Variants in FAM120B observed in about 807,000 individuals in gnomAD.
FAM120B encodes the protein family with sequence similarity 120 member B, also known as constitutive coactivator of peroxisome proliferator-activated receptor gamma.
A neutral mutation model predicts 96.3 loss-of-function variants in FAM120B; 83 were observed. The observed-to-expected ratio is 0.86, with a 90% confidence interval of 0.72 to 1.03. FAM120B has a LOEUF of 1.03. Among genes scored for constraint, FAM120B ranks in the 50% least tolerant of loss-of-function variants. The pLI is 0.00. For missense variants in FAM120B, 1,027 were observed against 1,121.2 expected, an observed-to-expected ratio of 0.92 and a Z score of 1.20; for synonymous variants, 407 against 402.7, an observed-to-expected ratio of 1.01 and a Z score of -0.13.
intron 5 of FAM120B, among the ~76,000 whole-genome samples, chr6:170,351,900 A>C (rs1365548855): frequency 6.6e-6 from 1 of 152,224 alleles, no homozygotes; most frequent in African/African-American, 2.4e-5. Flanking sequence ...AAAATAACCA[A>C]CTAGCATCAT....
At chr6:170,323,988 A>C (rs1035790517) in intron 3 of FAM120B, among the ~76,000 whole-genome samples, 31 of 152,212 alleles carry the variant, frequency 2.0e-4, no homozygotes, top group African/African-American at 7.2e-4. Context: ...CAGAGACCTT[A>C]GGTACTTTAT....
upstream of FAM120B, among the ~76,000 whole-genome samples, chr6:170,301,946 C>G (rs1473221292): frequency 6.6e-6 from 1 of 152,184 alleles, no homozygotes; most frequent in Non-Finnish European, 1.5e-5. Flanking sequence ...CCACATTTTC[C>G]TATCTTCTAC....
At position 170,395,243 on chromosome 6, in the gene FAM120B, G is replaced by A. The variant is rs969438258; in HGVS notation, c.2600-244G>A. Among the ~76,000 whole-genome samples, 9 of 152,208 alleles carry A rather than the reference G, an allele frequency of 5.9e-5. No individual in the cohort carries two copies. In the South Asian group the frequency reaches 1.2e-3, roughly 21 times the overall value. ...GCTCAAGTCTTTGTTTGCAGAGTCC[G>A]ACCTCTCACCACCAATACCAGATTC... On this transcript the variant is annotated intron_variant, in intron 8 of 10. Coordinates refer to ENST00000476287, the MANE Select transcript of FAM120B (RefSeq NM_032448.3).
At chr6:170,334,301 C>T (rs1468622782) in intron 4 of FAM120B, among the ~76,000 whole-genome samples, 1 of 152,150 alleles carries the variant, frequency 6.6e-6, no homozygotes, top group Non-Finnish European at 1.5e-5. Context: ...ATTTGATTTA[C>T]CAAAATTGCA....
At chr6:170,356,453 A>G (rs1787957517) in intron 5 of FAM120B, among the ~76,000 whole-genome samples, 1 of 152,236 alleles carries the variant, frequency 6.6e-6, no homozygotes. Flanking sequence ...TATTAAGCCT[A>G]AATTCGATGT....
chr6:170,304,115 GAGA>G (rs1409887227), upstream of FAM120B, among the ~76,000 whole-genome samples: 1 of 152,108 alleles, frequency 6.6e-6, no homozygotes, highest in Admixed American at 6.5e-5. Flanking sequence ...CTTAATTTTG[GAGA>G]AGAATATCCT....
chr6:170,321,534 C>T (rs1332867753), intron 2 of FAM120B, among the ~76,000 whole-genome samples: 1 of 152,164 alleles, frequency 6.6e-6, no homozygotes, highest in Non-Finnish European at 1.5e-5. Context: ...CACTCCACCA[C>T]GCCCAGCTAA....
At chr6:170,330,383 C>A in intron 3 of FAM120B, 66 bp from the exon 4 acceptor site, 1 of 1,287,628 alleles carries the variant, frequency 7.8e-7, no homozygotes. Flanking sequence ...AGAGCTGGGT[C>A]TGTGACACTG....
At chr6:170,352,837 G>A (rs141711670) in intron 5 of FAM120B, among the ~76,000 whole-genome samples, 26 of 152,140 alleles carry the variant, frequency 1.7e-4, no homozygotes, top group Non-Finnish European at 1.5e-5. Context: ...AGAGAACCAA[G>A]AGCAAAAGAA....
intron 4 of FAM120B, among the ~76,000 whole-genome samples, chr6:170,343,630 T>G (rs1015427061): frequency 6.6e-6 from 1 of 152,056 alleles, no homozygotes; most frequent in Admixed American, 6.5e-5. Context: ...TGTAAATGAT[T>G]TTGTAGCCTT....
At chr6:170,337,219 G>C (rs922450379) in intron 4 of FAM120B, among the ~76,000 whole-genome samples, 14 of 152,116 alleles carry the variant, frequency 9.2e-5, no homozygotes, top group Admixed American at 5.9e-4. Context: ...TCAATACCTA[G>C]TTACTGGGAG....
intron 9 of FAM120B, among the ~76,000 whole-genome samples, chr6:170,403,906 G>T (rs1239716961): frequency 6.6e-6 from 1 of 152,228 alleles, no homozygotes; most frequent in African/African-American, 2.4e-5. Context: ...ACTTTTGGGG[G>T]AGGGGAGAGA....
At chr6:170,359,201 G>A (rs1301894033) in intron 6 of FAM120B, among the ~76,000 whole-genome samples, 2 of 152,166 alleles carry the variant, frequency 1.3e-5, no homozygotes, top group African/African-American at 4.8e-5. Flanking sequence ...AGGAGTTCCA[G>A]ACCAGCCTGG....
chr6:170,358,214 T>C lies in FAM120B; in HGVS notation c.2191-12T>C. 6.3e-7 allele frequency: 1 copy of C among 1,584,460 alleles called. No individual in the cohort carries two copies. The highest frequency in any genetic ancestry group is 2.3e-5 in the East Asian group (1 of 44,360). On this transcript the variant is annotated splice_polypyrimidine_tract_variant and intron_variant, in intron 5 of 10. Transcript: ENST00000476287. ...CTGTAGCCTAACACTGGCCTTTCTC[T>C]GTCCTTTTCAGGTGGACACGCTTTG...
At chr6:170,342,515 G>A (rs1032488222) in intron 4 of FAM120B, among the ~76,000 whole-genome samples, 4 of 152,206 alleles carry the variant, frequency 2.6e-5, no homozygotes, top group African/African-American at 9.6e-5. Context: ...GTTTGTAGCT[G>A]TGGAAACAGC....
intron 6 of FAM120B, among the ~76,000 whole-genome samples, chr6:170,387,141 G>A (rs1024467370): frequency 1.3e-5 from 2 of 152,146 alleles, no homozygotes; most frequent in Non-Finnish European, 2.9e-5. Flanking sequence ...AACGAGTGTT[G>A]TTTTGGATAA....
At chr6:170,312,681 A>G (rs1476716525) in intron 1 of FAM120B, among the ~76,000 whole-genome samples, 2 of 152,136 alleles carry the variant, frequency 1.3e-5, no homozygotes, top group African/African-American at 4.8e-5. Context: ...TCTAAAGTGC[A>G]TAATAGCTAT....
intron 6 of FAM120B, among the ~76,000 whole-genome samples, chr6:170,379,814 T>C (rs552141727): frequency 9.5e-4 from 144 of 152,344 alleles, no homozygotes; most frequent in Non-Finnish European, 1.0e-3. Context: ...TGTTTGTTTG[T>C]TTTTCCAAAT....
At chr6:170,357,715 TG>T in intron 5 of FAM120B, among the ~76,000 whole-genome samples, 1 of 152,228 alleles carries the variant, frequency 6.6e-6, no homozygotes, top group Non-Finnish European at 1.5e-5. Context: ...GACCTGGTCT[TG>T]GTTGGCACCT....
Sources: allele counts gnomAD v4.1 joint callset (sites outside exome capture counted in the v4.1 genomes callset), GRCh38; gene constraint gnomAD v4.1.1; transcripts MANE v1.5; gene names NCBI Gene and HGNC (gene_info 2026-07-23, HGNC 2026-07-21).